Variants in CCDC178 observed in about 807,000 individuals in gnomAD.
The protein encoded by CCDC178 is coiled-coil domain containing 178, also known as coiled-coil domain-containing protein 178.
In CCDC178, 126 loss-of-function variants were observed where a neutral mutation model predicts 117.4. The observed-to-expected ratio is 1.07, with a 90% CI of 0.93 to 1.24. The LOEUF (loss-of-function observed/expected upper bound fraction) is 1.24, where lower values mean the gene tolerates loss of function less well. Among genes scored for constraint, CCDC178 ranks in the 50% most tolerant of loss-of-function variants. The pLI is 0.00. For missense variants in CCDC178, 1,030 were observed against 986.9 expected, an observed-to-expected ratio of 1.04 and a Z score of -0.59; for synonymous variants, 283 against 313.4, an observed-to-expected ratio of 0.90 and a Z score of 1.02.
chr18:33,346,677 A>T (rs1380709724), intron 8 of CCDC178, among the ~76,000 whole-genome samples: 2 of 152,132 alleles, frequency 1.3e-5, no homozygotes, highest in Non-Finnish European at 2.9e-5. Flanking sequence ...ATACCATTTT[A>T]TCTGAAGGAA....
chr18:33,191,317 T>C (rs1420588862), intron 20 of CCDC178, among the ~76,000 whole-genome samples: 1 of 152,154 alleles, frequency 6.6e-6, no homozygotes, highest in Non-Finnish European at 1.5e-5. Context: ...ACATAATGCT[T>C]AATTCATGGT....
intron 9 of CCDC178, among the ~76,000 whole-genome samples, chr18:33,334,925 T>A (rs1229205281): frequency 6.6e-6 from 1 of 152,066 alleles, no homozygotes; most frequent in East Asian, 1.9e-4. Context: ...TTGGTCAAAG[T>A]TTCAACAATA....
At chr18:33,308,885 A>C (rs1244127194) in intron 11 of CCDC178, among the ~76,000 whole-genome samples, 1 of 152,186 alleles carries the variant, frequency 6.6e-6, no homozygotes, top group Non-Finnish European at 1.5e-5. Flanking sequence ...CTGAGGCCTC[A>C]CAAGCCTTGC....
intron 21 of CCDC178, among the ~76,000 whole-genome samples, chr18:33,076,361 G>C (rs1262872379): frequency 6.6e-6 from 1 of 152,178 alleles, no homozygotes; most frequent in Non-Finnish European, 1.5e-5. Flanking sequence ...CACTTGAAAG[G>C]GGATTCAATG....
At chr18:33,347,034 C>T (rs1302388173) in intron 8 of CCDC178, among the ~76,000 whole-genome samples, 2 of 152,032 alleles carry the variant, frequency 1.3e-5, no homozygotes, top group Non-Finnish European at 2.9e-5. Context: ...CATGGGTACT[C>T]ATTTGACCAT....
chr18:32,974,855 A>G (rs1373801056), intron 21 of CCDC178, among the ~76,000 whole-genome samples, 174 bp from the exon 22 acceptor site: 1 of 152,174 alleles, frequency 6.6e-6, no homozygotes, highest in Admixed American at 6.5e-5. Context: ...ACTCATGTGC[A>G]TTCATCAGAA....
intron 9 of CCDC178, among the ~76,000 whole-genome samples, chr18:33,341,552 G>A (rs918841096): frequency 2.0e-5 from 3 of 152,318 alleles, no homozygotes; most frequent in East Asian, 1.9e-4. Context: ...ATTCTGACAT[G>A]TTGTGGGAGG....
chr18:33,136,330 A>G (rs2058125490), intron 20 of CCDC178, among the ~76,000 whole-genome samples: 1 of 152,152 alleles, frequency 6.6e-6, no homozygotes, highest in Non-Finnish European at 1.5e-5. Flanking sequence ...CTGCCTTGAT[A>G]AGTATGGAGT....
chr18:33,426,427 G>A (rs1025970517), intron 2 of CCDC178, among the ~76,000 whole-genome samples: 1 of 152,112 alleles, frequency 6.6e-6, no homozygotes, highest in Admixed American at 6.6e-5. Context: ...GTAATAGCAA[G>A]GAATTTTTTC....
At chr18:33,346,165 G>A (rs1219118715) in intron 9 of CCDC178, 46 bp downstream of exon 9, 10 of 1,388,610 alleles carry the variant, frequency 7.2e-6, no homozygotes, top group Admixed American at 1.9e-5. Context: ...TTAATTATCT[G>A]TGCCCCCAAC....
At chr18:33,289,763 T>C (rs1383296534) in intron 12 of CCDC178, among the ~76,000 whole-genome samples, 2 of 152,148 alleles carry the variant, frequency 1.3e-5, no homozygotes, top group African/African-American at 4.8e-5. Flanking sequence ...TGTAAATTAA[T>C]AATAAATTAT....
At position 33,255,962 on chromosome 18, in the gene CCDC178, T is replaced by A. The variant is rs575896133; in HGVS notation, c.1410-10534A>T. 1.1e-4 allele frequency among the ~76,000 whole-genome samples: 13 copies of A among 116,416 alleles called. No individual in the cohort carries two copies. In the South Asian group the frequency reaches 4.4e-3, roughly 39 times the overall value. 76.4% of individuals were successfully genotyped at this position (116,416 alleles called of 152,430 possible). A position where few individuals can be genotyped will look rare whatever the true frequency, so the allele number is the denominator to read the frequency against. ...CATAGACACAAATGCTTGGGTAACA[T>A]GTAGAAAGAAAGAGAGAAAAAAAAA... On this transcript the variant is annotated intron_variant, in intron 14 of 22. Transcript: ENST00000383096.
chr18:32,978,952 G>A (rs1234723856), intron 21 of CCDC178, among the ~76,000 whole-genome samples: 1 of 151,434 alleles, frequency 6.6e-6, no homozygotes, highest in African/African-American at 2.4e-5. Context: ...CAGGAAAATC[G>A]CTTGAACCAG....
rs71159804 is a variant in CCDC178 at position 33,179,078 on chromosome 18, A to AAAAAAT, written c.2238+32817_2238+32818insATTTTT. The stretch of plus-strand genomic sequence containing the variant: ...ACTCAGTAAAAAAAAAAAAAAAAAA[A>AAAAAAT]ATATATATATATATATATATATATA... On this transcript the variant is annotated intron_variant, in intron 20 of 22. Coordinates refer to ENST00000383096, the MANE Select transcript of CCDC178 (RefSeq NM_001105528.4). 2.6e-3 allele frequency among the ~76,000 whole-genome samples: 145 copies of AAAAAAT among 55,802 alleles called. 1 individual carries two copies. The highest frequency in any genetic ancestry group is 3.0e-3 in the Non-Finnish European group (105 of 34,864). The allele number at this position is 55,802 out of a possible 152,430, so 36.6% of individuals were successfully genotyped here.
chr18:33,410,896 G>C (rs2063841437), intron 3 of CCDC178, among the ~76,000 whole-genome samples: 1 of 152,148 alleles, frequency 6.6e-6, no homozygotes, highest in African/African-American at 2.4e-5. Flanking sequence ...CCAAAACCCA[G>C]AGATCAAGCC....
intron 19 of CCDC178, 89 bp from the exon 20 acceptor site, chr18:33,212,144 G>A: frequency 9.9e-7 from 1 of 1,005,860 alleles, no homozygotes; most frequent in Non-Finnish European, 1.4e-6. Context: ...GGACCAAAAT[G>A]AAAAATCTTG....
In CCDC178 at chr18:33,348,975, C is replaced by A; in HGVS notation, c.372G>T (p.Trp124Cys). 13 of 1,597,992 alleles carry A rather than the reference C, an allele frequency of 8.1e-6. No homozygotes were observed. The highest frequency in any genetic ancestry group is 2.3e-5 in the East Asian group (1 of 44,394). ...LKRFETSFEEWSRTSSTKDLK... is the reference protein window; with the variant it reads ...LKRFETSFEECSRTSSTKDLK... ...GGTCTTTTGTGGAAGAAGTTCTGCT[C>A]CTATATAATGGGAAAGAAGCAAGCA... Residue 124 changes from tryptophan (W) to cysteine (C), a missense_variant and splice_region_variant, in exon 8 of 23, where the codon TGG becomes TGT. Trp to Cys is a radical substitution (Grantham distance 215). Coordinates refer to ENST00000383096, the MANE Select transcript of CCDC178 (RefSeq NM_001105528.4).
chr18:33,236,482 AT>A (rs2059428246), intron 15 of CCDC178, among the ~76,000 whole-genome samples: 1 of 152,172 alleles, frequency 6.6e-6, no homozygotes, highest in Non-Finnish European at 1.5e-5. Flanking sequence ...GTGATTAACC[AT>A]TGGGAATGGT....
At chr18:33,066,023 G>T (rs2057009423) in intron 21 of CCDC178, among the ~76,000 whole-genome samples, 1 of 151,806 alleles carries the variant, frequency 6.6e-6, no homozygotes, top group East Asian at 1.9e-4. Flanking sequence ...CATCACGCCT[G>T]GCTAATTTTT....
Sources: gnomAD v4.1 joint callset for allele counts (sites outside exome capture counted in the v4.1 genomes callset) on GRCh38, gnomAD v4.1.1 for gene constraint, MANE v1.5 for transcripts, NCBI Gene and HGNC (gene_info 2026-07-23, HGNC 2026-07-21) for gene names.